NUP133: variants seen among roughly 807,000 people sequenced by gnomAD.
The protein encoded by NUP133 is nuclear pore complex protein Nup133.
NUP133 carries 66 observed loss-of-function variants against 146.2 expected under a neutral mutation model. The ratio of observed to expected loss-of-function variants is 0.45; its 90% CI spans 0.37 to 0.55. The LOEUF is 0.55. Among genes scored for constraint, NUP133 ranks in the 20% least tolerant of loss-of-function variants. NUP133 has a pLI of 0.00. For synonymous variants in NUP133, 521 were observed against 498.8 expected, an observed-to-expected ratio of 1.04 and a Z score of -0.59; for missense variants, 1,277 against 1,374.8, an observed-to-expected ratio of 0.93 and a Z score of 1.12.
intron 12 of NUP133, among the ~76,000 whole-genome samples, chr1:229,478,344 A>C (rs1308398878): frequency 1.3e-5 from 2 of 152,162 alleles, no homozygotes; most frequent in Non-Finnish European, 2.9e-5. Context: ...AAAAGACTTA[A>C]AAATAGTCCA....
At chr1:229,459,407 C>A (rs2102754275) in intron 20 of NUP133, among the ~76,000 whole-genome samples, 1 of 152,264 alleles carries the variant, frequency 6.6e-6, no homozygotes, top group South Asian at 2.1e-4. Flanking sequence ...GAAACTTGTA[C>A]CCTTTGACCA....
In NUP133 at chr1:229,441,702, C is replaced by T. The variant is rs1027147043; in HGVS notation, c.*202G>A. On this transcript the variant is annotated 3_prime_UTR_variant, in exon 26 of 26. Coordinates refer to ENST00000261396, the MANE Select transcript of NUP133 (RefSeq NM_018230.3). ...TACAGGAACAACAACTGACACATTT[C>T]AGGTGGAAAAAACAAGTCACATAAC... 8.6e-6 allele frequency: 4 copies of T among 467,828 alleles called. No individual in the cohort carries two copies. The highest frequency in any genetic ancestry group is 1.5e-5 in the Non-Finnish European group (4 of 262,876). The allele number at this position is 467,828 out of a possible 1,614,324, so 29.0% of individuals were successfully genotyped here. A position where few individuals can be genotyped will look rare whatever the true frequency, so the allele number is the denominator to read the frequency against.
intron 13 of NUP133, among the ~76,000 whole-genome samples, chr1:229,477,309 G>A (rs1420199345): frequency 1.3e-5 from 2 of 151,692 alleles, no homozygotes; most frequent in Non-Finnish European, 1.5e-5. Flanking sequence ...CCATGGTGGC[G>A]GGCACCTGTA....
Position 229,464,733 on chromosome 1 carries a change from A to G in NUP133, c.2442T>C (p.Asp814=). The change falls in exon 18 of 26, where the codon GAT becomes GAC. Residue 814 remains aspartate, a synonymous_variant. Coordinates refer to ENST00000261396, the MANE Select transcript of NUP133 (RefSeq NM_018230.3). ...QLVALIDCFL[D]GYVSQLKSVD... is the part of the protein sequence containing the mutation. ...CAGACTTAAGCTGAGAAACATAACC[A>G]TCCAGGAAGCAATCGATCAGGGCTA... 6.2e-7 allele frequency: 1 copy of G among 1,614,188 alleles called. No individual in the cohort carries two copies. Among genetic ancestry groups the G allele is most frequent in the Non-Finnish European group, 8.5e-7 (1 of 1,180,044 alleles).
In NUP133 at chr1:229,440,764, GGCT is replaced by G. The variant is rs1660166829; in HGVS notation, c.*1137_*1139del. 1 of 152,444 alleles carries G rather than the reference GGCT, an allele frequency of 6.6e-6. No individual in the cohort carries two copies. Among genetic ancestry groups the G allele is most frequent in the Admixed American group, 6.5e-5 (1 of 15,280 alleles). 9.4% of individuals were successfully genotyped at this position (152,444 alleles called of 1,614,324 possible). A position where few individuals can be genotyped will look rare whatever the true frequency, so the allele number is the denominator to read the frequency against. On this transcript the variant is annotated 3_prime_UTR_variant, in exon 26 of 26. Coordinates refer to ENST00000261396, the MANE Select transcript of NUP133 (RefSeq NM_018230.3). ...ACAAGCTGCAAAGAGAAAAAGAACA[GGCT>G]GCTAATTTCTTCCCTTTGATTTACA... is the stretch of plus-strand genomic sequence containing the variant.
intron 24 of NUP133, among the ~76,000 whole-genome samples, chr1:229,447,853 G>C (rs1366818161): frequency 6.6e-6 from 1 of 152,092 alleles, no homozygotes; most frequent in Non-Finnish European, 1.5e-5. Flanking sequence ...GCATTCCCAG[G>C]AGGTTAGGAA....
chr1:229,507,777 G>A (rs1413184400), intron 1 of NUP133: 3 of 303,230 alleles, frequency 9.9e-6, no homozygotes, highest in Non-Finnish European at 1.5e-5. Flanking sequence ...ACTTACACCA[G>A]ATCACACGGG....
chr1:229,499,604 A>C (rs1286532008), intron 5 of NUP133, 80 bp downstream of exon 5: 5 of 1,465,726 alleles, frequency 3.4e-6, no homozygotes, highest in Non-Finnish European at 4.6e-6. Flanking sequence ...TCCCACCTCT[A>C]TTTAAAAATA....
At chr1:229,494,218 T>C (rs139249082) in intron 8 of NUP133, among the ~76,000 whole-genome samples, 5 of 152,294 alleles carry the variant, frequency 3.3e-5, no homozygotes, top group African/African-American at 1.2e-4. Flanking sequence ...TCCAAAAGTC[T>C]GGTAAAGACA....
chr1:229,488,743 TGA>T (rs974052479), intron 9 of NUP133, among the ~76,000 whole-genome samples: 4 of 151,632 alleles, frequency 2.6e-5, no homozygotes, highest in African/African-American at 9.7e-5. Context: ...CCCAGCTACC[TGA>T]GAGGACTGCT....
Position 229,498,121 on chromosome 1 carries a change from A to T in NUP133, c.819+15T>A. ...TAAGAAATAAGCTTGTAAAATAGTT[A>T]TTTTATAAACTTACTGTGAGATCAC... On this transcript the variant is annotated intron_variant, in intron 6 of 25. Transcript: ENST00000261396. The T allele has an allele frequency of 6.5e-7, 1 of 1,534,450 alleles. No homozygotes were observed. The highest frequency in any genetic ancestry group is 8.8e-7 in the Non-Finnish European group (1 of 1,137,954).
intron 21 of NUP133, among the ~76,000 whole-genome samples, chr1:229,455,950 G>A (rs542882111): frequency 1.2e-4 from 18 of 152,058 alleles, no homozygotes; most frequent in African/African-American, 3.6e-4. Flanking sequence ...CAAGAATCTC[G>A]CTCTGCATTT....
chr1:229,442,127 C>T (rs1660197616), intron 25 of NUP133, 87 bp from the exon 26 acceptor site: 7 of 1,302,894 alleles, frequency 5.4e-6, no homozygotes, highest in African/African-American at 1.6e-5. Context: ...AGCACCTGTG[C>T]TTCTATTTAA....
Position 229,508,136 on chromosome 1 carries a change from G to A in NUP133, c.114C>T (p.Pro38=), listed in dbSNP as rs757814104. ...TPRTASRKGL[P]LGSAVSSPVL... ...CTGGGGAGCTGACTGCAGACCCCAG[G>A]GGCAGACCCTTCCTGCTAGCCGTCC... is the stretch of plus-strand genomic sequence containing the variant. The change falls in exon 1 of 26, where the codon CCC becomes CCT. Residue 38 remains proline (P), a synonymous_variant. Transcript: ENST00000261396. 5.0e-6 allele frequency: 8 copies of A among 1,596,616 alleles called. No homozygotes were observed. The highest frequency in any genetic ancestry group is 3.5e-5 in the Admixed American group (2 of 57,964).
At chr1:229,489,091 T>C (rs1231777712) in intron 9 of NUP133, among the ~76,000 whole-genome samples, 5 of 152,210 alleles carry the variant, frequency 3.3e-5, no homozygotes, top group Non-Finnish European at 7.3e-5. Context: ...TTTTCTATAG[T>C]ATACAAGGCT....
chr1:229,468,806 ATTTGT>A (rs1307879689), intron 15 of NUP133, among the ~76,000 whole-genome samples: 1 of 152,236 alleles, frequency 6.6e-6, no homozygotes, highest in African/African-American at 2.4e-5. Flanking sequence ...CAACAACTTG[ATTTGT>A]TAGATCATGA....
intron 24 of NUP133, among the ~76,000 whole-genome samples, chr1:229,448,160 G>A (rs1660356775): frequency 6.6e-6 from 1 of 152,252 alleles, no homozygotes; most frequent in Non-Finnish European, 1.5e-5. Context: ...CGGGCGTGGT[G>A]GCTCACGCCT....
intron 14 of NUP133, among the ~76,000 whole-genome samples, chr1:229,471,759 C>A (rs34926904): frequency 0.15 from 23,021 of 151,912 alleles, 1,926 homozygotes; most frequent in Middle Eastern, 0.23. Flanking sequence ...TTTTCTTATC[C>A]TTCATTTTCT....
At chr1:229,498,821 A>G (rs1661725059) in intron 5 of NUP133, among the ~76,000 whole-genome samples, 1 of 151,222 alleles carries the variant, frequency 6.6e-6, no homozygotes, top group African/African-American at 2.4e-5. Context: ...TTAAATTCTG[A>G]TTTTTAAACT....
Sources: allele counts gnomAD v4.1 joint callset (sites outside exome capture counted in the v4.1 genomes callset), GRCh38; gene constraint gnomAD v4.1.1; transcripts MANE v1.5; gene names NCBI Gene and HGNC (gene_info 2026-07-23, HGNC 2026-07-21).